NFIA: variants seen among roughly 807,000 people sequenced by gnomAD.
The protein encoded by NFIA is nuclear factor I A.
A neutral mutation model predicts 62.8 loss-of-function variants in NFIA; 8 were observed. The observed-to-expected ratio is 0.13, with a 90% confidence interval of 0.07 to 0.23. The LOEUF (loss-of-function observed/expected upper bound fraction) is 0.23, where lower values mean the gene tolerates loss of function less well. Among genes scored for constraint, NFIA ranks in the 10% least tolerant of loss-of-function variants. The pLI is 1.00. For synonymous variants in NFIA, 235 were observed against 238.1 expected (o/e 0.99, Z 0.12); for missense variants, 410 against 642.1 (o/e 0.64, Z 3.91).
intron 3 of NFIA, among the ~76,000 whole-genome samples, chr1:61,291,873 T>G (rs1357343405): frequency 6.6e-6 from 1 of 152,186 alleles, no homozygotes; most frequent in Non-Finnish European, 1.5e-5. Flanking sequence ...AATATATGTA[T>G]TATAGTGTTA....
At chr1:61,092,523 C>T (rs1646338735) in intron 2 of NFIA, among the ~76,000 whole-genome samples, 1 of 152,148 alleles carries the variant, frequency 6.6e-6, no homozygotes, top group Non-Finnish European at 1.5e-5. Context: ...GTTTCAGTGT[C>T]TCGGAAGCCT....
chr1:61,368,287 C>T (rs74469628), intron 6 of NFIA, among the ~76,000 whole-genome samples: 1 of 152,152 alleles, frequency 6.6e-6, no homozygotes, highest in Non-Finnish European at 1.5e-5. Context: ...AGTACAGCCC[C>T]CGTGGCTCAG....
intron 3 of NFIA, among the ~76,000 whole-genome samples, chr1:61,300,217 T>C (rs1389175172): frequency 6.6e-6 from 1 of 152,190 alleles, no homozygotes; most frequent in African/African-American, 2.4e-5. Context: ...ATAGCAGTGA[T>C]AGCTAACAAT....
At chr1:61,141,714 G>T (rs763033155) in intron 2 of NFIA, among the ~76,000 whole-genome samples, 1 of 152,104 alleles carries the variant, frequency 6.6e-6, no homozygotes, top group Non-Finnish European at 1.5e-5. Flanking sequence ...TGATCTACTT[G>T]TCTTGACCTG....
intron 2 of NFIA, among the ~76,000 whole-genome samples, chr1:61,094,065 A>G (rs1646370243): frequency 6.6e-6 from 1 of 152,222 alleles, no homozygotes; most frequent in African/African-American, 2.4e-5. Context: ...TTTTGAAACC[A>G]ATTTTGAGGA....
chr1:61,145,505 A>G (rs1472923991), intron 2 of NFIA, among the ~76,000 whole-genome samples: 1 of 152,220 alleles, frequency 6.6e-6, no homozygotes, highest in Non-Finnish European at 1.5e-5. Flanking sequence ...AGTATCTACT[A>G]TGTGCCAAGC....
chr1:61,321,997 T>C (rs1660703461), intron 3 of NFIA, among the ~76,000 whole-genome samples: 1 of 152,178 alleles, frequency 6.6e-6, no homozygotes, highest in African/African-American at 2.4e-5. Context: ...TTAGACTGGG[T>C]AATTAAGTCT....
At chr1:61,192,512 C>G (rs1469954616) in intron 2 of NFIA, among the ~76,000 whole-genome samples, 1 of 150,982 alleles carries the variant, frequency 6.6e-6, no homozygotes, top group Non-Finnish European at 1.5e-5. Context: ...CCAGCCTGAC[C>G]AACATGGTGA....
chr1:61,110,750 A>G (rs1469206442), intron 2 of NFIA, among the ~76,000 whole-genome samples: 4 of 152,130 alleles, frequency 2.6e-5, no homozygotes, highest in Non-Finnish European at 5.9e-5. Context: ...CCACTCAGGC[A>G]TTGGCTGAGA....
At chr1:61,306,538 G>A (rs1187703795) in intron 3 of NFIA, among the ~76,000 whole-genome samples, 2 of 152,248 alleles carry the variant, frequency 1.3e-5, no homozygotes, top group Non-Finnish European at 2.9e-5. Flanking sequence ...GCCTCCCAAA[G>A]TGCTGCTAGA....
At chr1:61,355,445 C>T (rs1224445229) in intron 5 of NFIA, among the ~76,000 whole-genome samples, 1 of 152,002 alleles carries the variant, frequency 6.6e-6, no homozygotes, top group Non-Finnish European at 1.5e-5. Context: ...ATTTTTTATT[C>T]CAAAAAACTT....
chr1:61,200,056 ATATATATATATG>A lies in NFIA; in HGVS notation c.560-77460_560-77449del, dbSNP rs1385417792. 4.0e-3 allele frequency among the ~76,000 whole-genome samples: 195 copies of A among 49,048 alleles called. 9 individuals carry two copies. The highest frequency in any genetic ancestry group is 0.023 in the East Asian group (15 of 650). 32.2% of individuals were successfully genotyped at this position (49,048 alleles called of 152,430 possible). On this transcript the variant is annotated intron_variant, in intron 2 of 10. Coordinates refer to ENST00000403491, the MANE Select transcript of NFIA (RefSeq NM_001134673.4). Reference sequence around the variant, plus strand: ...TATATATATATATATATATATATATATATATATATATGTATGTATGTTGAGCTAGAATTATGC... The same window carrying A: ...TATATATATATATATATATATATATATATGTATGTTGAGCTAGAATTATGC...
intron 10 of NFIA, among the ~76,000 whole-genome samples, chr1:61,453,344 G>A (rs1569921783): frequency 1.3e-5 from 2 of 151,020 alleles, no homozygotes; most frequent in South Asian, 4.2e-4. Context: ...CAATAGACCA[G>A]AGCAATCAAT....
At chr1:61,129,214 G>T (rs571610262) in intron 2 of NFIA, among the ~76,000 whole-genome samples, 1 of 151,764 alleles carries the variant, frequency 6.6e-6, no homozygotes. Context: ...GAGCCACCGC[G>T]CCCGGCCTAC....
chr1:61,083,870 C>T (rs1225834693), intron 1 of NFIA, among the ~76,000 whole-genome samples: 1 of 152,078 alleles, frequency 6.6e-6, no homozygotes, highest in Non-Finnish European at 1.5e-5. Flanking sequence ...GGGGCTCTTG[C>T]GCCCCACCGC....
At position 61,217,577 on chromosome 1, in the gene NFIA, G is replaced by A. The variant is rs1040585695; in HGVS notation, c.560-59943G>A. Among the ~76,000 whole-genome samples the A allele has an allele frequency of 2.6e-5, 4 of 152,178 alleles. No individual in the cohort carries two copies. The South Asian group carries it at 8.3e-4, about 32-fold the overall frequency. On this transcript the variant is annotated intron_variant, in intron 2 of 10. Coordinates refer to ENST00000403491, the MANE Select transcript of NFIA (RefSeq NM_001134673.4). ...ATCCATAGCAGAGCTGAAGTCAAGAGGGGAAGGACCCACAGGACTTCAGCT... is the reference window on the plus strand; with the variant it reads ...ATCCATAGCAGAGCTGAAGTCAAGAAGGGAAGGACCCACAGGACTTCAGCT...
chr1:61,257,196 GGAAT>G (rs1222255276), intron 2 of NFIA, among the ~76,000 whole-genome samples: 1 of 152,150 alleles, frequency 6.6e-6, no homozygotes, highest in South Asian at 2.1e-4. Flanking sequence ...ATAGGTTGTG[GGAAT>G]GTGAGAGAAG....
chr1:61,208,156 C>G (rs762468467), intron 2 of NFIA, among the ~76,000 whole-genome samples: 1 of 152,006 alleles, frequency 6.6e-6, no homozygotes, highest in Non-Finnish European at 1.5e-5. Flanking sequence ...TTAGGTGAAC[C>G]GTTCCCTATA....
chr1:61,381,828 G>A (rs1002378665), intron 6 of NFIA, among the ~76,000 whole-genome samples: 5 of 152,154 alleles, frequency 3.3e-5, no homozygotes, highest in Non-Finnish European at 2.9e-5. Context: ...AGGTCATGTT[G>A]TAGAATTGCA....
Sources: gnomAD v4.1 joint callset for allele counts (sites outside exome capture counted in the v4.1 genomes callset) on GRCh38, gnomAD v4.1.1 for gene constraint, MANE v1.5 for transcripts, NCBI Gene and HGNC (gene_info 2026-07-23, HGNC 2026-07-21) for gene names.